SH3TC1: variants seen among roughly 807,000 people sequenced by gnomAD.
SH3TC1 encodes SH3 domain and tetratricopeptide repeats 1, also known as SH3 domain and tetratricopeptide repeat-containing protein 1.
In SH3TC1, 135 loss-of-function variants were observed where a neutral mutation model predicts 117.3. The observed-to-expected ratio is 1.15, with a 90% CI of 1.00 to 1.33. SH3TC1 has a LOEUF of 1.33. Among genes scored for constraint, SH3TC1 ranks in the 40% most tolerant of loss-of-function variants. SH3TC1 has a pLI of 0.00. For synonymous variants in SH3TC1, 898 were observed against 816.9 expected, an observed-to-expected ratio of 1.10 and a Z score of -1.69; for missense variants, 2,092 against 1,794.3, an observed-to-expected ratio of 1.17 and a Z score of -3.00.
chr4:8,214,882 C>T (rs1036287286), intron 5 of SH3TC1, among the ~76,000 whole-genome samples: 2 of 152,140 alleles, frequency 1.3e-5, no homozygotes, highest in African/African-American at 4.8e-5. Flanking sequence ...GATGGGGTTT[C>T]ACCATGTTGA....
chr4:8,188,855 C>T (rs555414776), intron 1 of SH3TC1, among the ~76,000 whole-genome samples: 3 of 152,358 alleles, frequency 2.0e-5, no homozygotes, highest in South Asian at 2.1e-4. Context: ...GTACCCGTCA[C>T]GAGGCAGCCA....
intron 14 of SH3TC1, among the ~76,000 whole-genome samples, 197 bp downstream of exon 14, chr4:8,233,710 ATCCT>A (rs1193664076): frequency 1.3e-5 from 2 of 149,220 alleles, no homozygotes; most frequent in Non-Finnish European, 3.0e-5. Context: ...CCATCCATCC[ATCCT>A]TCCATTATCC....
In SH3TC1 at chr4:8,233,377, C is replaced by A; in HGVS notation, c.3146C>A (p.Ala1049Glu). 6.2e-7 allele frequency: 1 copy of A among 1,611,512 alleles called. No individual in the cohort carries two copies. Among genetic ancestry groups the A allele is most frequent in the Non-Finnish European group, 8.5e-7 (1 of 1,178,800 alleles). Residue 1049 changes from alanine to glutamate, a missense_variant, in exon 14 of 18, where the codon GCA (alanine) becomes GAA (glutamate). Coordinates refer to ENST00000245105, the MANE Select transcript of SH3TC1 (RefSeq NM_018986.5). The stretch of plus-strand genomic sequence containing the variant: ...TCTGATACCAGGGCCTACAAATCCG[C>A]ACTGGACTACACCAAACGAAGTCTG... ...SLGTERAYKSALDYTKRSLGI... is the reference protein window; with the variant it reads ...SLGTERAYKSELDYTKRSLGI...
intron 12 of SH3TC1, chr4:8,231,725 A>C: frequency 1.9e-6 from 1 of 530,932 alleles, no homozygotes; most frequent in East Asian, 3.1e-5. Context: ...TGAAGCAGAA[A>C]TAGATGGCCT....
chr4:8,195,032 T>C (rs1253710069), upstream of SH3TC1, among the ~76,000 whole-genome samples: 1 of 152,152 alleles, frequency 6.6e-6, no homozygotes, highest in African/African-American at 2.4e-5. Context: ...TCATGCCTCC[T>C]CTAGACCCTC....
intron 16 of SH3TC1, 172 bp from the exon 17 acceptor site, chr4:8,237,302 C>T: frequency 1.8e-6 from 1 of 559,170 alleles, no homozygotes; most frequent in Non-Finnish European, 3.0e-6. Flanking sequence ...TGGGGGCAGG[C>T]CTTATTAGTT....
upstream of SH3TC1, among the ~76,000 whole-genome samples, chr4:8,197,467 G>A (rs1288616546): frequency 6.6e-6 from 1 of 152,224 alleles, no homozygotes; most frequent in African/African-American, 2.4e-5. Flanking sequence ...GGGGAGCCGT[G>A]TCCCCGCAGG....
chr4:8,204,011 G>A (rs1374514598), intron 1 of SH3TC1, among the ~76,000 whole-genome samples: 8 of 152,318 alleles, frequency 5.3e-5, no homozygotes, highest in South Asian at 2.1e-4. Context: ...TCTGAGGCCC[G>A]GACGGAGGCC....
At position 8,228,356 on chromosome 4, in the gene SH3TC1, C is replaced by T. The variant is rs368970503; in HGVS notation, c.2662C>T (p.Arg888Cys). The part of the protein sequence containing the change: ...RTRQAAESYY[R>C]ALRVARDLGQ... Reference sequence around the variant, plus strand: ...GAGGCAGGCAGCTGAGAGCTACTACCGCGCCCTGCGGGTGGCTCGGGACCT... The same window carrying T: ...GAGGCAGGCAGCTGAGAGCTACTACTGCGCCCTGCGGGTGGCTCGGGACCT... The change falls in exon 12 of 18, where the codon CGC (arginine) becomes TGC (cysteine). Residue 888 changes from arginine to cysteine, a missense_variant. Arg to Cys is a radical substitution (Grantham distance 180). Transcript: ENST00000245105. 3.0e-5 allele frequency: 48 copies of T among 1,611,782 alleles called. No homozygotes were observed. In the Admixed American group the frequency reaches 3.2e-4, roughly 11 times the overall value.
In SH3TC1 at chr4:8,232,124, C is replaced by T. The variant is rs1333996346; in HGVS notation, c.3099C>T (p.Ile1033=). ...TGGAGGGGCAGCTCCTGGAGACCAT[C>T]AGCCAGCTCTACCTGTCCCTGGGCA... ...KVLEGQLLET[I]SQLYLSLGTE... Residue 1033 remains isoleucine (I), a synonymous_variant, in exon 13 of 18, where the codon ATC becomes ATT. Transcript: ENST00000245105. 1 of 1,610,378 alleles carries T rather than the reference C, an allele frequency of 6.2e-7. No individual in the cohort carries two copies. The highest frequency in any genetic ancestry group is 1.3e-5 in the African/African-American group (1 of 74,338).
chr4:8,238,225 C>T (rs996647338), intron 17 of SH3TC1, among the ~76,000 whole-genome samples: 1 of 151,990 alleles, frequency 6.6e-6, no homozygotes, highest in African/African-American at 2.4e-5. Context: ...TGTCTTACCA[C>T]CTGCTTCACA....
chr4:8,186,549 G>A lies in SH3TC1; in HGVS notation c.-57+4339G>A, dbSNP rs547784111. On this transcript the variant is annotated intron_variant, in intron 1 of 16. Transcript: ENST00000508641. The surrounding 1 kb of genome is among the most constrained non-coding windows in gnomAD (Gnocchi z 5.2). ...TACGCAGGTGTGAGATGGTCATCACGGGGGAGGCTGATGGGAGTTTATGCC... is the reference window on the plus strand; with the variant it reads ...TACGCAGGTGTGAGATGGTCATCACAGGGGAGGCTGATGGGAGTTTATGCC... Among the ~76,000 whole-genome samples, 1 of 152,302 alleles carries A rather than the reference G, an allele frequency of 6.6e-6. No homozygotes were observed. The highest frequency in any genetic ancestry group is 2.1e-4 in the South Asian group (1 of 4,822).
upstream of SH3TC1, among the ~76,000 whole-genome samples, chr4:8,194,304 T>C (rs1717497745): frequency 6.6e-6 from 1 of 152,222 alleles, no homozygotes; most frequent in Admixed American, 6.5e-5. Context: ...GGAACAGATT[T>C]GGTAGCTTCT....
chr4:8,230,204 T>A (rs189761894), intron 12 of SH3TC1, among the ~76,000 whole-genome samples: 1 of 152,366 alleles, frequency 6.6e-6, no homozygotes, highest in African/African-American at 2.4e-5. Flanking sequence ...CATACAATTG[T>A]TCGTAGTGTT....
At chr4:8,223,545 C>T (rs1331253540) in intron 10 of SH3TC1, among the ~76,000 whole-genome samples, 1 of 152,130 alleles carries the variant, frequency 6.6e-6, no homozygotes, top group Admixed American at 6.5e-5. Flanking sequence ...ATGAAGTTGG[C>T]ATGTCATCCA....
intron 1 of SH3TC1, among the ~76,000 whole-genome samples, chr4:8,202,271 G>A (rs1235316630): frequency 6.6e-6 from 1 of 152,232 alleles, no homozygotes; most frequent in Non-Finnish European, 1.5e-5. Context: ...TGCCCCTGAA[G>A]GTGCCCAGAG....
chr4:8,220,436 G>A (rs1316565211), intron 9 of SH3TC1, among the ~76,000 whole-genome samples: 2 of 152,076 alleles, frequency 1.3e-5, no homozygotes, highest in Admixed American at 6.6e-5. Flanking sequence ...TGATTTACAC[G>A]CCACCCATGA....
Position 8,228,535 on chromosome 4 carries a change from C to T in SH3TC1, c.2841C>T (p.His947=), listed in dbSNP as rs747331691. The change falls in exon 12 of 18, where the codon CAC becomes CAT. Residue 947 remains histidine (H), a synonymous_variant. Transcript: ENST00000245105. ...PLGECGRDFT[H]VLLQLGHLCT... ...GGGAGTGTGGCCGGGACTTCACCCA[C>T]GTGCTCCTGCAGCTGGGCCATCTCT... is the stretch of plus-strand genomic sequence containing the variant. 9.9e-6 allele frequency: 16 copies of T among 1,610,790 alleles called. No individual in the cohort carries two copies. The highest frequency in any genetic ancestry group is 9.9e-5 in the South Asian group (9 of 90,832).
intron 3 of SH3TC1, among the ~76,000 whole-genome samples, chr4:8,212,324 A>G (rs1678289): frequency 0.87 from 131,779 of 151,798 alleles, 57,647 homozygotes; most frequent in East Asian, 0.99. Context: ...CGCAAGTTCC[A>G]ATGCAGCAAC....
Sources: gnomAD v4.1 joint callset for allele counts (sites outside exome capture counted in the v4.1 genomes callset) on GRCh38, gnomAD v4.1.1 for gene constraint, Gnocchi (gnomAD v3.1) non-coding constraint, MANE v1.5 for transcripts, NCBI Gene and HGNC (gene_info 2026-07-23, HGNC 2026-07-21) for gene names.